Variants in SEC14L2 observed in about 807,000 individuals in gnomAD.
SEC14L2 encodes the protein SEC14 like lipid binding 2.
A neutral mutation model predicts 56.9 loss-of-function variants in SEC14L2; 50 were observed. The ratio of observed to expected loss-of-function variants is 0.88; its 90% CI spans 0.70 to 1.11. The LOEUF is 1.11. Among genes scored for constraint, SEC14L2 ranks in the 50% most tolerant of loss-of-function variants. The pLI, the probability that SEC14L2 is intolerant of heterozygous loss-of-function variation, is 0.00. For missense variants in SEC14L2, 414 were observed against 500.7 expected (o/e 0.83, Z 1.65); for synonymous variants, 179 against 188.5 (o/e 0.95, Z 0.41).
At chr22:30,401,413 T>C (rs938993581) in intron 2 of SEC14L2, among the ~76,000 whole-genome samples, 4 of 151,986 alleles carry the variant, frequency 2.6e-5, no homozygotes. Flanking sequence ...CTCAAACTCC[T>C]GACCTCAGGT....
intron 5 of SEC14L2, among the ~76,000 whole-genome samples, chr22:30,408,684 A>G (rs1457691126): frequency 1.3e-5 from 2 of 152,194 alleles, no homozygotes; most frequent in African/African-American, 4.8e-5. Context: ...AGTTGTAAAG[A>G]TCCAGTGAAA....
intron 1 of SEC14L2, chr22:30,397,588 CTGGATAGCTCCTTGGGAGACT>C (rs1283636725): frequency 6.7e-4 from 192 of 287,674 alleles, no homozygotes; most frequent in South Asian, 9.8e-4. Flanking sequence ...GGAAAGGGCT[CTGGATAGCTCCTTGGGAGACT>C]TGGATAGCTC....
At position 30,424,864 on chromosome 22, in the gene SEC14L2, C is replaced by T. The variant is rs1310303845; in HGVS notation, c.*2457C>T. ...TTCCTCCTGTTGTAATCACTAACCC[C>T]AACTCTGTCTCCCTTGCCCGATTCA... On this transcript the variant is annotated 3_prime_UTR_variant, in exon 12 of 12. Transcript: ENST00000615189. The T allele has an allele frequency of 2.2e-6, 1 of 455,316 alleles. No individual in the cohort carries two copies. The highest frequency in any genetic ancestry group is 4.4e-6 in the Non-Finnish European group (1 of 226,300). 28.2% of individuals were successfully genotyped at this position (455,316 alleles called of 1,614,324 possible).
intron 11 of SEC14L2, among the ~76,000 whole-genome samples, chr22:30,420,187 A>G (rs1418516848): frequency 1.3e-5 from 2 of 152,170 alleles, no homozygotes; most frequent in African/African-American, 4.8e-5. Context: ...TCCCGGCCTC[A>G]GGTGATCCAC....
rs1360286810 is a variant in SEC14L2 at position 30,423,031 on chromosome 22, C to CT, written c.*625dup. 1 of 152,694 alleles carries CT rather than the reference C, an allele frequency of 6.5e-6. No individual in the cohort carries two copies. Among genetic ancestry groups the CT allele is most frequent in the African/African-American group, 2.4e-5 (1 of 41,460 alleles). 9.5% of individuals were successfully genotyped at this position (152,694 alleles called of 1,614,324 possible). A position where few individuals can be genotyped will look rare whatever the true frequency, so the allele number is the denominator to read the frequency against. On this transcript the variant is annotated 3_prime_UTR_variant, in exon 12 of 12. Coordinates refer to ENST00000615189, the MANE Select transcript of SEC14L2 (RefSeq NM_012429.5). The stretch of plus-strand genomic sequence containing the variant: ...TTTGGCAACTCCTGGGCCACACGGC[C>CT]TGCCTCTTTGATTACTAATGATTGT...
chr22:30,417,047 T>C, intron 11 of SEC14L2: 1 of 198,722 alleles, frequency 5.0e-6, no homozygotes, highest in Non-Finnish European at 9.1e-6. Context: ...ATATTCCCGG[T>C]AGCCTGGGAA....
chr22:30,407,633 T>C (rs368351874), intron 5 of SEC14L2, 30 bp downstream of exon 5: 6 of 1,601,812 alleles, frequency 3.7e-6, no homozygotes, highest in Middle Eastern at 1.7e-4. Flanking sequence ...TAGAAATGAG[T>C]TGACCACAGC....
chr22:30,424,178 C>G lies in SEC14L2; in HGVS notation c.*1771C>G, dbSNP rs924011069. ...CGTGCGAGCCAAGTGTGAGTCCGGG[C>G]GAGCGCCTGCGGAGCTAGCACTGGG... On this transcript the variant is annotated 3_prime_UTR_variant, in exon 12 of 12. Coordinates refer to ENST00000615189, the MANE Select transcript of SEC14L2 (RefSeq NM_012429.5). The G allele has an allele frequency of 6.4e-6, 1 of 156,346 alleles. No individual in the cohort carries two copies. The highest frequency in any genetic ancestry group is 2.4e-5 in the African/African-American group (1 of 41,458). The allele number at this position is 156,346 out of a possible 1,614,324, so 9.7% of individuals were successfully genotyped here.
rs200442040 is a variant in SEC14L2, at chr22:30,422,316, C to A, written c.1121C>A (p.Ala374Asp). ...RFDNTYSFIH[A>D]KKVNFTVEVL... The stretch of plus-strand genomic sequence containing the variant: ...GACAACACCTACAGCTTCATTCATG[C>A]CAAGAAGGTCAATTTCACTGTGGAG... Residue 374 changes from alanine to aspartate, a missense_variant, in exon 12 of 12, where the codon GCC (alanine) becomes GAC (aspartate). Physicochemically the swap from Ala to Asp is moderately radical, Grantham distance 126. Coordinates refer to ENST00000615189, the MANE Select transcript of SEC14L2 (RefSeq NM_012429.5). 6 of 1,614,054 alleles carry A rather than the reference C, an allele frequency of 3.7e-6. No individual in the cohort carries two copies. The highest frequency in any genetic ancestry group is 4.2e-6 in the Non-Finnish European group (5 of 1,180,034).
At position 30,422,330 on chromosome 22, in the gene SEC14L2, T is replaced by C. The variant is rs1213097302; in HGVS notation, c.1135T>C (p.Phe379Leu). Reference protein sequence around the residue: ...YSFIHAKKVNFTVEVLLPDKA... With the variant: ...YSFIHAKKVNLTVEVLLPDKA... ...CTTCATTCATGCCAAGAAGGTCAAT[T>C]TCACTGTGGAGGTCCTGCTTCCAGA... is the stretch of plus-strand genomic sequence containing the variant. The change falls in exon 12 of 12, where the codon TTC becomes CTC. Residue 379 changes from phenylalanine to leucine, a missense_variant. Coordinates refer to ENST00000615189, the MANE Select transcript of SEC14L2 (RefSeq NM_012429.5). 11 of 1,614,066 alleles carry C rather than the reference T, an allele frequency of 6.8e-6. No homozygotes were observed. The Admixed American group carries it at 1.8e-4, about 27-fold the overall frequency.
In SEC14L2 at chr22:30,399,640, C is replaced by T; in HGVS notation, c.55-3C>T. 1 of 1,611,884 alleles carries T rather than the reference C, an allele frequency of 6.2e-7. No homozygotes were observed. The highest frequency in any genetic ancestry group is 8.5e-7 in the Non-Finnish European group (1 of 1,178,618). ...CCACTCACCCCGATGCCTCTCCCTA[C>T]AGTTTCGGGAGAATGTCCAGGATGT... On this transcript the variant is annotated splice_region_variant and splice_polypyrimidine_tract_variant and intron_variant, in intron 1 of 11. Transcript: ENST00000615189.
At chr22:30,419,453 G>T (rs947082226) in intron 11 of SEC14L2, among the ~76,000 whole-genome samples, 1 of 152,150 alleles carries the variant, frequency 6.6e-6, no homozygotes, top group South Asian at 2.1e-4. Flanking sequence ...CTTGGCATGA[G>T]AATTGCTTGA....
At chr22:30,407,869 G>A (rs1178458096) in intron 5 of SEC14L2, among the ~76,000 whole-genome samples, 2 of 152,012 alleles carry the variant, frequency 1.3e-5, no homozygotes, top group Non-Finnish European at 2.9e-5. Flanking sequence ...GGACCTGGCC[G>A]AGGCCCAGGC....
chr22:30,397,909 G>T (rs1405719317), intron 1 of SEC14L2: 1 of 470,656 alleles, frequency 2.1e-6, no homozygotes, highest in South Asian at 1.5e-5. Flanking sequence ...GACAAGGAGG[G>T]GGCAACAGTT....
Position 30,407,172 on chromosome 22 carries a change from C to T in SEC14L2, c.234+18C>T. 2 of 1,613,066 alleles carry T rather than the reference C, an allele frequency of 1.2e-6. No homozygotes were observed. Among genetic ancestry groups the T allele is most frequent in the Non-Finnish European group, 1.7e-6 (2 of 1,179,612 alleles). On this transcript the variant is annotated intron_variant, in intron 4 of 11. Transcript: ENST00000615189. ...CTCCAGAGGTGAGCACAAATTATCC[C>T]ACCTCATCCCTATGCTAGGCCTTTC... is the stretch of plus-strand genomic sequence containing the variant.
At chr22:30,406,753 A>C (rs28695292) in intron 3 of SEC14L2, among the ~76,000 whole-genome samples, 3 of 151,134 alleles carry the variant, frequency 2.0e-5, no homozygotes, top group South Asian at 2.1e-4. Context: ...TTTCTTTTTT[A>C]TTTTTTTCTT....
chr22:30,418,597 A>AC (rs1259926779), intron 11 of SEC14L2, among the ~76,000 whole-genome samples: 1 of 152,144 alleles, frequency 6.6e-6, no homozygotes, highest in African/African-American at 2.4e-5. Flanking sequence ...CCCAACCAGA[A>AC]CCTTTACCTG....
chr22:30,405,246 G>C (rs1934061906), intron 2 of SEC14L2, among the ~76,000 whole-genome samples: 3 of 152,160 alleles, frequency 2.0e-5, no homozygotes, highest in Non-Finnish European at 4.4e-5. Flanking sequence ...AGGATGGGCA[G>C]CACGATGGTA....
chr22:30,411,884 C>T (rs1934260734), intron 8 of SEC14L2, among the ~76,000 whole-genome samples: 1 of 152,084 alleles, frequency 6.6e-6, no homozygotes, highest in South Asian at 2.1e-4. Flanking sequence ...AGCGGGAGCA[C>T]CCACTCCACC....
Sources: gnomAD v4.1 joint callset for allele counts (sites outside exome capture counted in the v4.1 genomes callset) on GRCh38, gnomAD v4.1.1 for gene constraint, MANE v1.5 for transcripts, NCBI Gene and HGNC (gene_info 2026-07-23, HGNC 2026-07-21) for gene names.